The following PTER variants were observed in gnomAD, a reference collection of about 807,000 sequenced individuals.
PTER encodes the protein phosphotriesterase related, also known as N-acetyltaurine hydrolase.
A neutral mutation model predicts 29.6 loss-of-function variants in PTER; 38 were observed. The observed-to-expected ratio is 1.28, with a 90% CI of 0.99 to 1.68. The LOEUF (loss-of-function observed/expected upper bound fraction) is 1.68. Among genes scored for constraint, PTER ranks in the 40% most tolerant of loss-of-function variants. The pLI is 0.00. For synonymous variants in PTER, 172 were observed against 154.5 expected, an observed-to-expected ratio of 1.11 and a Z score of -0.84; for missense variants, 482 against 427.8, an observed-to-expected ratio of 1.13 and a Z score of -1.12.
chr10:16,486,834 A>C, intron 3 of PTER: 2 of 520,418 alleles, frequency 3.8e-6, no homozygotes, highest in South Asian at 3.1e-5. Flanking sequence ...TGTCCTAGGT[A>C]TTTCACATAA....
rs1018857195 is a variant in PTER, at chr10:16,455,074, C to T, written c.-49+18027C>T. On this transcript the variant is annotated intron_variant, in intron 1 of 4. Transcript: ENST00000535784. ...TGAAACCCTGTCTCTACAAAACATA[C>T]ACAAATTACCTGGGCATGGTGGTAT... 2.6e-5 allele frequency among the ~76,000 whole-genome samples: 4 copies of T among 151,022 alleles called. No individual in the cohort carries two copies. In the South Asian group the frequency reaches 6.3e-4, roughly 24 times the overall value.
chr10:16,452,181 A>AC lies in PTER; in HGVS notation c.-49+15136dup, dbSNP rs146673517. 2.3e-3 allele frequency among the ~76,000 whole-genome samples: 334 copies of AC among 145,162 alleles called. 1 individual carries two copies. Among genetic ancestry groups the AC allele is most frequent in the African/African-American group, 8.4e-3 (327 of 38,878 alleles). ...CATATATCACCTAAAATCAGTTTGA[A>AC]CCACCAGTGGGATACACACACACAC... On this transcript the variant is annotated intron_variant, in intron 1 of 4. Coordinates refer to ENST00000535784, the MANE Select transcript of PTER (RefSeq NM_001261836.2).
chr10:16,444,952 C>G (rs1348811354), intron 1 of PTER, among the ~76,000 whole-genome samples: 1 of 151,960 alleles, frequency 6.6e-6, no homozygotes, highest in East Asian at 1.9e-4. Flanking sequence ...TTTGAATGGG[C>G]TGTAAAACAC....
chr10:16,486,737 A>T, intron 3 of PTER, 120 bp downstream of exon 3: 1 of 1,112,714 alleles, frequency 9.0e-7, no homozygotes, highest in Non-Finnish European at 1.3e-6. Flanking sequence ...CACTAACTAT[A>T]TGGAAGGTAG....
rs192307835 is a variant in PTER, at chr10:16,472,402, G to T, written c.-48-11935G>T. ...GGCCAGGTGGAGATAATTGAATCAC[G>T]GGGGCGGTTTCCCCCATACTGTTCT... On this transcript the variant is annotated intron_variant, in intron 1 of 4. Transcript: ENST00000535784. 5.9e-5 allele frequency among the ~76,000 whole-genome samples: 9 copies of T among 152,168 alleles called. No homozygotes were observed. In the East Asian group the frequency reaches 1.4e-3, roughly 23 times the overall value.
At chr10:16,475,060 A>G (rs1835209474) in intron 1 of PTER, among the ~76,000 whole-genome samples, 1 of 152,096 alleles carries the variant, frequency 6.6e-6, no homozygotes, top group African/African-American at 2.4e-5. Flanking sequence ...GGTCTTTTTT[A>G]TAAAGGGACT....
At chr10:16,447,071 G>A (rs1276514308) in intron 1 of PTER, among the ~76,000 whole-genome samples, 7 of 151,428 alleles carry the variant, frequency 4.6e-5, no homozygotes, top group African/African-American at 1.5e-4. Flanking sequence ...TTACAGGTAT[G>A]AGATAGCATA....
At position 16,511,183 on chromosome 10, in the gene PTER, T is replaced by C; in HGVS notation, c.977T>C (p.Leu326Pro). The C allele has an allele frequency of 6.2e-7, 1 of 1,614,156 alleles. No homozygotes were observed. Among genetic ancestry groups the C allele is most frequent in the Non-Finnish European group, 8.5e-7 (1 of 1,179,996 alleles). ...ACCAATGTTGTTCCTAAAATGTTGC[T>C]GAGAGGCATAACTGAGAATGTGCTT... ...ILTNVVPKML[L>P]RGITENVLDK... The change falls in exon 5 of 5, where the codon CTG becomes CCG. Residue 326 changes from leucine (L) to proline (P), a missense_variant. Physicochemically the swap from Leu to Pro is moderately conservative, Grantham distance 98. Transcript: ENST00000535784.
In PTER at chr10:16,491,824, T is replaced by C. The variant is rs1001743593; in HGVS notation, c.698+5207T>C. On this transcript the variant is annotated intron_variant, in intron 3 of 4. Coordinates refer to ENST00000535784, the MANE Select transcript of PTER (RefSeq NM_001261836.2). ...TATTTTTCCCCTTTAAAGTAGTATT[T>C]CCATCATTTCAGTATACAAAAATAA... 2.0e-5 allele frequency among the ~76,000 whole-genome samples: 3 copies of C among 152,260 alleles called. No homozygotes were observed. The East Asian group carries it at 5.8e-4, about 29-fold the overall frequency.
intron 1 of PTER, among the ~76,000 whole-genome samples, chr10:16,479,741 A>T (rs984926459): frequency 2.6e-5 from 4 of 151,892 alleles, no homozygotes; most frequent in Non-Finnish European, 5.9e-5. Context: ...TGCCATCTAC[A>T]CTGGTGTCAT....
chr10:16,513,863 T>A (rs4748302), downstream of PTER: 91,492 of 153,478 alleles, frequency 0.6, 28,141 homozygotes, highest in African/African-American at 0.75. Flanking sequence ...TCTCTATTTT[T>A]AAAGACTATC....
intron 3 of PTER, among the ~76,000 whole-genome samples, chr10:16,491,567 C>G (rs1424191074): frequency 6.6e-6 from 1 of 152,134 alleles, no homozygotes; most frequent in Non-Finnish European, 1.5e-5. Context: ...CCTCACGAAA[C>G]AGACCTGCAT....
chr10:16,474,336 TCA>T (rs1346850322), intron 1 of PTER, among the ~76,000 whole-genome samples: 1 of 152,210 alleles, frequency 6.6e-6, no homozygotes, highest in African/African-American at 2.4e-5. Flanking sequence ...GAATGTCATC[TCA>T]CATAATTTTG....
intron 1 of PTER, among the ~76,000 whole-genome samples, chr10:16,479,787 T>C (rs1835408916): frequency 6.6e-6 from 1 of 151,928 alleles, no homozygotes. Context: ...TTCTGGATAA[T>C]AGCGACATCC....
At chr10:16,486,882 T>A in intron 3 of PTER, 1 of 384,900 alleles carries the variant, frequency 2.6e-6, no homozygotes, top group South Asian at 4.0e-5. Context: ...ATTTACTCAA[T>A]CCTTTATAAC....
At chr10:16,438,263 T>G (rs1331924970) in intron 1 of PTER, among the ~76,000 whole-genome samples, 1 of 151,494 alleles carries the variant, frequency 6.6e-6, no homozygotes, top group Non-Finnish European at 1.5e-5. Context: ...CTCGGCCTCC[T>G]AAAGTGCTGG....
intron 3 of PTER, among the ~76,000 whole-genome samples, chr10:16,487,835 A>C (rs1480442961): frequency 6.6e-6 from 1 of 152,202 alleles, no homozygotes; most frequent in Non-Finnish European, 1.5e-5. Flanking sequence ...CATATTGATA[A>C]ATCCTGATTA....
chr10:16,485,038 A>G lies in PTER; in HGVS notation c.432+222A>G, dbSNP rs900562909. Among the ~76,000 whole-genome samples the G allele has an allele frequency of 4.6e-5, 7 of 152,214 alleles. No homozygotes were observed. The East Asian group carries it at 9.6e-4, about 21-fold the overall frequency. ...GTAAAGAAAAAAGAAAATAATAATA[A>G]TAAGTGTCAAGGAAAGAGATCTTAG... On this transcript the variant is annotated intron_variant, in intron 2 of 4. Coordinates refer to ENST00000535784, the MANE Select transcript of PTER (RefSeq NM_001261836.2).
Position 16,486,355 on chromosome 10 carries a change from A to C in PTER, c.436A>C (p.Thr146Pro), listed in dbSNP as rs34687017. ...ATTCCTTCTCACTCTTCCTTAGCTT[A>C]CCGATGTCCTTATGAATGAAATTCT... ...ETRAMSVEQL[T>P]DVLMNEILHG... The change falls in exon 3 of 5, where the codon ACC becomes CCC. Residue 146 changes from threonine to proline, a missense_variant. By Grantham distance (38) the Thr-to-Pro change is conservative. Coordinates refer to ENST00000535784, the MANE Select transcript of PTER (RefSeq NM_001261836.2). 6.2e-7 allele frequency: 1 copy of C among 1,612,592 alleles called. No individual in the cohort carries two copies. Among genetic ancestry groups the C allele is most frequent in the Admixed American group, 1.7e-5 (1 of 59,938 alleles).
Sources: allele counts gnomAD v4.1 joint callset (sites outside exome capture counted in the v4.1 genomes callset), GRCh38; gene constraint gnomAD v4.1.1; transcripts MANE v1.5; gene names NCBI Gene and HGNC (gene_info 2026-07-23, HGNC 2026-07-21).